SLX4IP: variants seen among roughly 807,000 people sequenced by gnomAD.
The protein encoded by SLX4IP is protein SLX4IP.
Under a neutral mutation model 32.9 loss-of-function variants are expected in SLX4IP, and 34 were observed. The ratio of observed to expected loss-of-function variants is 1.03; its 90% CI spans 0.79 to 1.38. The LOEUF (loss-of-function observed/expected upper bound fraction) is 1.38, where lower values mean the gene tolerates loss of function less well. Among genes scored for constraint, SLX4IP ranks in the 40% most tolerant of loss-of-function variants. The pLI, the probability that SLX4IP is intolerant of heterozygous loss-of-function variation, is 0.00. For synonymous variants in SLX4IP, 172 were observed against 171.7 expected (o/e 1.00, Z -0.01); for missense variants, 444 against 479.0 (o/e 0.93, Z 0.68).
At chr20:10,467,033 A>G (rs998960966) in intron 2 of SLX4IP, among the ~76,000 whole-genome samples, 1 of 152,220 alleles carries the variant, frequency 6.6e-6, no homozygotes, top group Non-Finnish European at 1.5e-5. Context: ...CCTTTATAGT[A>G]AAAGTATAGA....
At chr20:10,548,413 G>T (rs550688943) in intron 2 of SLX4IP, among the ~76,000 whole-genome samples, 1 of 152,044 alleles carries the variant, frequency 6.6e-6, no homozygotes, top group Admixed American at 6.6e-5. Flanking sequence ...TAATTTTTTT[G>T]TATTTTTAGT....
chr20:10,570,794 G>T (rs1347790507), intron 4 of SLX4IP, among the ~76,000 whole-genome samples: 2 of 152,132 alleles, frequency 1.3e-5, no homozygotes, highest in African/African-American at 4.8e-5. Flanking sequence ...CTTCCAAAGT[G>T]CTGGGATTAC....
At chr20:10,581,164 C>T (rs1187104747) in intron 4 of SLX4IP, among the ~76,000 whole-genome samples, 1 of 151,808 alleles carries the variant, frequency 6.6e-6, no homozygotes, top group Non-Finnish European at 1.5e-5. Flanking sequence ...GCAGTGTGTC[C>T]AGAAGTAGGT....
At chr20:10,479,697 GCT>G (rs2065505692) in intron 2 of SLX4IP, among the ~76,000 whole-genome samples, 1 of 149,946 alleles carries the variant, frequency 6.7e-6, no homozygotes, top group Non-Finnish European at 1.5e-5. Context: ...TATCATCCAG[GCT>G]CTTATTTAAA....
At chr20:10,495,376 AC>A (rs2065658098) in intron 2 of SLX4IP, among the ~76,000 whole-genome samples, 2 of 152,166 alleles carry the variant, frequency 1.3e-5, no homozygotes, top group South Asian at 4.1e-4. Flanking sequence ...CTGTGTGATA[AC>A]CATTGTTGGA....
chr20:10,499,925 T>C (rs1044787972), intron 2 of SLX4IP, among the ~76,000 whole-genome samples: 2 of 152,082 alleles, frequency 1.3e-5, no homozygotes, highest in African/African-American at 4.8e-5. Flanking sequence ...AAGGAAATGG[T>C]ACATGTCAAA....
At chr20:10,571,584 C>G (rs1345147559) in intron 4 of SLX4IP, among the ~76,000 whole-genome samples, 1 of 152,200 alleles carries the variant, frequency 6.6e-6, no homozygotes, top group African/African-American at 2.4e-5. Context: ...AAGAGCACTT[C>G]CCTTCCTCTC....
chr20:10,506,345 G>A (rs1166608432), intron 2 of SLX4IP, among the ~76,000 whole-genome samples: 1 of 152,198 alleles, frequency 6.6e-6, no homozygotes, highest in African/African-American at 2.4e-5. Context: ...GAAAATGGGT[G>A]GCTGGATTAC....
At chr20:10,501,664 A>T (rs1568712071) in intron 2 of SLX4IP, among the ~76,000 whole-genome samples, 1 of 152,260 alleles carries the variant, frequency 6.6e-6, no homozygotes, top group Non-Finnish European at 1.5e-5. Context: ...GTGTGGCCAC[A>T]AAGAGATGGC....
At chr20:10,580,369 T>G (rs1018808294) in intron 4 of SLX4IP, among the ~76,000 whole-genome samples, 2 of 152,024 alleles carry the variant, frequency 1.3e-5, no homozygotes, top group Non-Finnish European at 1.5e-5. Flanking sequence ...ATGAATGCAG[T>G]GCCCTCCGCT....
intron 2 of SLX4IP, among the ~76,000 whole-genome samples, chr20:10,517,212 C>T (rs1240038378): frequency 1.3e-5 from 2 of 152,192 alleles, no homozygotes; most frequent in South Asian, 2.1e-4. Flanking sequence ...TGTCATCAAA[C>T]CCTCACAGGG....
chr20:10,616,008 C>T (rs987244806), intron 6 of SLX4IP, among the ~76,000 whole-genome samples: 1 of 152,146 alleles, frequency 6.6e-6, no homozygotes, highest in Non-Finnish European at 1.5e-5. Context: ...GGAGGGGACA[C>T]AGTCATACCA....
chr20:10,584,171 A>G (rs1183293181), intron 4 of SLX4IP, among the ~76,000 whole-genome samples: 1 of 152,244 alleles, frequency 6.6e-6, no homozygotes. Flanking sequence ...TAGTTAAAAC[A>G]AAAAGAAAGA....
At chr20:10,442,766 T>C (rs2065169664) in intron 1 of SLX4IP, among the ~76,000 whole-genome samples, 1 of 152,250 alleles carries the variant, frequency 6.6e-6, no homozygotes, top group Admixed American at 6.5e-5. Context: ...AAAATAATCA[T>C]TGAAGATGCA....
chr20:10,515,041 C>T (rs754151605), intron 2 of SLX4IP, among the ~76,000 whole-genome samples: 1 of 143,896 alleles, frequency 6.9e-6, no homozygotes, highest in Non-Finnish European at 1.5e-5. Flanking sequence ...AAGGTCGATG[C>T]GTCTTTTGTT....
chr20:10,616,272 C>T (rs1374164037), intron 6 of SLX4IP, among the ~76,000 whole-genome samples: 1 of 151,940 alleles, frequency 6.6e-6, no homozygotes, highest in East Asian at 1.9e-4. Flanking sequence ...CAAGACCCAT[C>T]ATCTCTGAAT....
rs144561819 is a variant in SLX4IP, at chr20:10,626,957, A to G, written c.*3578A>G. 6.6e-6 allele frequency: 1 copy of G among 152,334 alleles called. No homozygotes were observed. The highest frequency in any genetic ancestry group is 2.4e-5 in the African/African-American group (1 of 41,574). 9.4% of individuals were successfully genotyped at this position (152,334 alleles called of 1,614,324 possible). A position where few individuals can be genotyped will look rare whatever the true frequency, so the allele number is the denominator to read the frequency against. On this transcript the variant is annotated 3_prime_UTR_variant, in exon 8 of 8. Coordinates refer to ENST00000334534, the MANE Select transcript of SLX4IP (RefSeq NM_001009608.3). ...GTTGGTGTCATGTTTGGATTTTAGC[A>G]TGGTTTGTTATGCATGTCAGTGGCC...
rs1045262040 is a variant in SLX4IP at position 10,528,394 on chromosome 20, T to C, written c.28-27837T>C. Among the ~76,000 whole-genome samples, 8 of 152,210 alleles carry C rather than the reference T, an allele frequency of 5.3e-5. No homozygotes were observed. In the East Asian group the frequency reaches 1.5e-3, roughly 29 times the overall value. ...AAGGCTGAATCATTCAAATGGGATT[T>C]GCACCTTTCACAGTCTTTCATCCTC... On this transcript the variant is annotated intron_variant, in intron 2 of 7. Coordinates refer to ENST00000334534, the MANE Select transcript of SLX4IP (RefSeq NM_001009608.3).
chr20:10,501,577 CT>C (rs2065719179), intron 2 of SLX4IP, among the ~76,000 whole-genome samples: 1 of 152,222 alleles, frequency 6.6e-6, no homozygotes, highest in African/African-American at 2.4e-5. Flanking sequence ...CAGAAGCCTC[CT>C]TGTTTTACCT....
Sources: allele counts gnomAD v4.1 joint callset (sites outside exome capture counted in the v4.1 genomes callset), GRCh38; gene constraint gnomAD v4.1.1; transcripts MANE v1.5; gene names NCBI Gene and HGNC (gene_info 2026-07-23, HGNC 2026-07-21).